Variants in IQCM observed in about 807,000 individuals in gnomAD.
IQCM encodes IQ domain-containing protein M.
In IQCM, 45 loss-of-function variants were observed where a neutral mutation model predicts 57.6. That is an observed-to-expected ratio of 0.78 (90% CI 0.62 to 1.00). The LOEUF is 1.00. Ranked by LOEUF, IQCM falls within the 50% of genes least tolerant of loss-of-function variation. IQCM has a pLI of 0.00. For missense variants in IQCM, 468 were observed against 511.6 expected, an observed-to-expected ratio of 0.91 and a Z score of 0.82; for synonymous variants, 148 against 158.9, an observed-to-expected ratio of 0.93 and a Z score of 0.51.
At chr4:149,492,825 A>G (rs912983627) in intron 12 of IQCM, among the ~76,000 whole-genome samples, 3 of 152,116 alleles carry the variant, frequency 2.0e-5, no homozygotes, top group Non-Finnish European at 4.4e-5. Context: ...TATGATAGAA[A>G]CACTTGGTAA....
chr4:149,504,002 C>A (rs112642078), intron 12 of IQCM, among the ~76,000 whole-genome samples: 20 of 151,906 alleles, frequency 1.3e-4, no homozygotes, highest in African/African-American at 4.8e-4. Context: ...AGACCATTAA[C>A]AAAAGAGGAA....
chr4:149,598,993 G>A (rs1754025294), intron 8 of IQCM, among the ~76,000 whole-genome samples: 1 of 151,916 alleles, frequency 6.6e-6, no homozygotes, highest in African/African-American at 2.4e-5. Context: ...CTGCCCCCAA[G>A]ACTGGATGGC....
At chr4:149,498,001 C>G (rs988810452) in intron 12 of IQCM, among the ~76,000 whole-genome samples, 1 of 152,092 alleles carries the variant, frequency 6.6e-6, no homozygotes, top group African/African-American at 2.4e-5. Flanking sequence ...ACACCACATT[C>G]TAAAGACTAG....
intron 8 of IQCM, among the ~76,000 whole-genome samples, chr4:149,611,247 A>G (rs1318255705): frequency 6.6e-6 from 1 of 152,032 alleles, no homozygotes; most frequent in Non-Finnish European, 1.5e-5. Flanking sequence ...AATGTAAATT[A>G]CTATAGCCAC....
chr4:149,590,998 C>T (rs1329889871), intron 8 of IQCM, among the ~76,000 whole-genome samples: 1 of 152,028 alleles, frequency 6.6e-6, no homozygotes, highest in Non-Finnish European at 1.5e-5. Context: ...TGGAGTGACA[C>T]ATTCTAAACA....
chr4:149,468,824 G>C (rs960913345), intron 12 of IQCM, among the ~76,000 whole-genome samples: 3 of 152,160 alleles, frequency 2.0e-5, no homozygotes, highest in Admixed American at 1.3e-4. Context: ...TGCAATATTT[G>C]CTGTTCTGCA....
intron 11 of IQCM, among the ~76,000 whole-genome samples, chr4:149,549,770 A>G (rs1372712725): frequency 6.6e-6 from 1 of 152,132 alleles, no homozygotes; most frequent in Non-Finnish European, 1.5e-5. Context: ...TTTCTAACAG[A>G]AGTTATATCA....
intron 12 of IQCM, among the ~76,000 whole-genome samples, chr4:149,460,048 G>C (rs551834432): frequency 1.3e-5 from 2 of 152,074 alleles, no homozygotes; most frequent in Admixed American, 6.6e-5. Flanking sequence ...GTACACAAGG[G>C]TTCCAATTTC....
intron 7 of IQCM, among the ~76,000 whole-genome samples, chr4:149,648,131 T>A (rs568302007): frequency 6.6e-6 from 1 of 152,194 alleles, no homozygotes; most frequent in Admixed American, 6.5e-5. Context: ...TCTCATTTAT[T>A]TATTTAAACA....
At chr4:149,642,075 G>A (rs1579816448) in intron 7 of IQCM, among the ~76,000 whole-genome samples, 1 of 152,104 alleles carries the variant, frequency 6.6e-6, no homozygotes, top group East Asian at 1.9e-4. Flanking sequence ...AAAAGAATCA[G>A]AAAATGCTTG....
chr4:149,645,728 C>A (rs192856170), intron 7 of IQCM, among the ~76,000 whole-genome samples: 5 of 102,996 alleles, frequency 4.9e-5, no homozygotes, highest in African/African-American at 1.9e-4. Context: ...AACTCATAGC[C>A]CCAGACTGAC....
intron 12 of IQCM, among the ~76,000 whole-genome samples, chr4:149,467,985 G>C (rs1739045935): frequency 6.6e-6 from 1 of 152,152 alleles, no homozygotes; most frequent in Non-Finnish European, 1.5e-5. Flanking sequence ...GTTATTGCAT[G>C]TTAGAAAGCA....
chr4:149,503,261 A>G (rs1387975447), intron 12 of IQCM, among the ~76,000 whole-genome samples: 1 of 152,126 alleles, frequency 6.6e-6, no homozygotes, highest in Non-Finnish European at 1.5e-5. Flanking sequence ...TAACAATAAT[A>G]AATTAAAATA....
chr4:149,590,936 G>C (rs1177728927), intron 8 of IQCM, among the ~76,000 whole-genome samples: 1 of 152,000 alleles, frequency 6.6e-6, no homozygotes, highest in Non-Finnish European at 1.5e-5. Flanking sequence ...CTTTACAGTA[G>C]AATGATTTAT....
intron 7 of IQCM, among the ~76,000 whole-genome samples, chr4:149,680,627 G>C (rs1279689882): frequency 6.6e-6 from 1 of 151,388 alleles, no homozygotes; most frequent in Non-Finnish European, 1.5e-5. Flanking sequence ...ACTGGAATAA[G>C]TATAAGGAGT....
At chr4:149,545,612 T>C (rs1181821882) in intron 12 of IQCM, among the ~76,000 whole-genome samples, 1 of 152,130 alleles carries the variant, frequency 6.6e-6, no homozygotes, top group Admixed American at 6.6e-5. Flanking sequence ...GTACACCCAT[T>C]ATGTAAAATA....
At chr4:149,720,061 G>A (rs1765320328) in intron 5 of IQCM, among the ~76,000 whole-genome samples, 1 of 152,150 alleles carries the variant, frequency 6.6e-6, no homozygotes, top group South Asian at 2.1e-4. Context: ...GAATGACCCT[G>A]GGCCACTGTA....
chr4:149,413,788 C>T (rs1733556690), intron 13 of IQCM, among the ~76,000 whole-genome samples: 1 of 152,142 alleles, frequency 6.6e-6, no homozygotes, highest in South Asian at 2.1e-4. Flanking sequence ...TTTGATACCT[C>T]TGACTATTAA....
intron 5 of IQCM, among the ~76,000 whole-genome samples, chr4:149,709,651 G>C (rs1003861337): frequency 6.6e-6 from 1 of 152,046 alleles, no homozygotes; most frequent in Non-Finnish European, 1.5e-5. Flanking sequence ...CTTGGTGTTT[G>C]ATCTTTAGTC....
Sources: allele counts gnomAD v4.1 joint callset (sites outside exome capture counted in the v4.1 genomes callset), GRCh38; gene constraint gnomAD v4.1.1; transcripts MANE v1.5; gene names NCBI Gene and HGNC (gene_info 2026-07-23, HGNC 2026-07-21).